The following AK5 variants were observed in gnomAD, a reference collection of about 807,000 sequenced individuals.
The protein encoded by AK5 is adenylate kinase isoenzyme 5.
In AK5, 27 loss-of-function variants were observed where a neutral mutation model predicts 69.5. The ratio of observed to expected loss-of-function variants is 0.39; its 90% CI spans 0.29 to 0.54. The LOEUF is 0.54. Ranked by LOEUF, AK5 falls within the 20% of genes least tolerant of loss-of-function variation. The probability of loss-of-function intolerance (pLI) is 0.71; values close to 1 mark genes in which losing one functional copy is unlikely to be tolerated. For missense variants in AK5, 531 were observed against 700.4 expected, an observed-to-expected ratio of 0.76 and a Z score of 2.73; for synonymous variants, 260 against 244.4, an observed-to-expected ratio of 1.06 and a Z score of -0.60.
intron 6 of AK5, among the ~76,000 whole-genome samples, chr1:77,376,719 T>A (rs889855672): frequency 1.3e-5 from 2 of 152,082 alleles, no homozygotes; most frequent in African/African-American, 2.4e-5. Context: ...GGTGAGAGGA[T>A]CACTTGAGTT....
chr1:77,458,819 A>G (rs1259973051), intron 8 of AK5, among the ~76,000 whole-genome samples: 1 of 152,196 alleles, frequency 6.6e-6, no homozygotes, highest in East Asian at 1.9e-4. Flanking sequence ...TAACATATTC[A>G]CAGCTTCTGG....
chr1:77,420,316 G>A (rs1203820407), intron 8 of AK5: 1 of 152,082 alleles, frequency 6.6e-6, no homozygotes, highest in Non-Finnish European at 1.5e-5. Flanking sequence ...AATATTAAAA[G>A]TGAAAATATA....
intron 12 of AK5, among the ~76,000 whole-genome samples, chr1:77,529,310 G>A (rs1658447075): frequency 6.6e-6 from 1 of 151,212 alleles, no homozygotes; most frequent in South Asian, 2.1e-4. Context: ...CTACTTAACA[G>A]GTGTTAGGAC....
chr1:77,345,806 A>C (rs1044980491), intron 6 of AK5, among the ~76,000 whole-genome samples: 1 of 152,286 alleles, frequency 6.6e-6, no homozygotes, highest in Admixed American at 6.5e-5. Context: ...TTTACCACTG[A>C]AACTATGCAC....
At chr1:77,380,998 T>A (rs1647591773) in intron 6 of AK5, among the ~76,000 whole-genome samples, 3 of 152,250 alleles carry the variant, frequency 2.0e-5, no homozygotes, top group South Asian at 4.1e-4. Context: ...ATACTGTTAA[T>A]GCTTTAAGCT....
At chr1:77,407,805 CCA>C (rs1205238176) in intron 6 of AK5, among the ~76,000 whole-genome samples, 2 of 151,984 alleles carry the variant, frequency 1.3e-5, no homozygotes, top group African/African-American at 4.8e-5. Context: ...CTAGTAGTCC[CCA>C]GAGTCTGTTG....
chr1:77,450,162 C>T (rs1653052882), intron 8 of AK5, among the ~76,000 whole-genome samples: 1 of 152,190 alleles, frequency 6.6e-6, no homozygotes, highest in African/African-American at 2.4e-5. Flanking sequence ...CCTCAGCCTG[C>T]ACCTTGTTGT....
In AK5 at chr1:77,358,018, T is replaced by TGTGTGTGTGTGTGAGAGA. The variant is rs762714026; in HGVS notation, c.891+17451_891+17452insTGTGTGTGTGTGAGAGAG. Among the ~76,000 whole-genome samples, 276 of 128,266 alleles carry TGTGTGTGTGTGTGAGAGA rather than the reference T, an allele frequency of 2.2e-3. 6 individuals carry two copies. The East Asian group carries it at 0.034, about 16-fold the overall frequency. The allele number at this position is 128,266 out of a possible 152,430, so 84.1% of individuals were successfully genotyped here. ...GTGTGTGTGTGTGTGTGTGTGTGTG[T>TGTGTGTGTGTGTGAGAGA]GAGAGAGAGAGAGAGAGAGAGACAG... On this transcript the variant is annotated intron_variant, in intron 6 of 13. Coordinates refer to ENST00000354567, the MANE Select transcript of AK5 (RefSeq NM_174858.3).
chr1:77,504,435 A>G (rs918684285), intron 10 of AK5, among the ~76,000 whole-genome samples: 9 of 72,972 alleles, frequency 1.2e-4, no homozygotes, highest in Non-Finnish European at 2.4e-4. Context: ...TTCTGTGTAT[A>G]TATATATTTT....
chr1:77,308,691 A>G (rs758700326), intron 5 of AK5, among the ~76,000 whole-genome samples: 2 of 152,152 alleles, frequency 1.3e-5, no homozygotes, highest in African/African-American at 2.4e-5. Context: ...GGATTTCCAT[A>G]GGGAGGTTTT....
At chr1:77,439,369 G>T (rs1381717054) in intron 8 of AK5, among the ~76,000 whole-genome samples, 1 of 152,062 alleles carries the variant, frequency 6.6e-6, no homozygotes, top group Admixed American at 6.5e-5. Flanking sequence ...AGGTAATTAG[G>T]ATATCTATCA....
intron 6 of AK5, among the ~76,000 whole-genome samples, chr1:77,369,929 T>C (rs1647088899): frequency 6.6e-6 from 1 of 152,234 alleles, no homozygotes; most frequent in Admixed American, 6.5e-5. Flanking sequence ...CCGCTGCCAA[T>C]AAATGGCATT....
chr1:77,432,005 C>T (rs1651670037), intron 8 of AK5, among the ~76,000 whole-genome samples: 1 of 152,114 alleles, frequency 6.6e-6, no homozygotes. Flanking sequence ...GTAGTTTTTG[C>T]AGAATTTTTT....
chr1:77,546,583 G>A (rs766098063), intron 13 of AK5, among the ~76,000 whole-genome samples: 17 of 152,088 alleles, frequency 1.1e-4, no homozygotes, highest in South Asian at 2.1e-4. Context: ...GGTGGTGTGC[G>A]TCTGTAATCC....
intron 10 of AK5, among the ~76,000 whole-genome samples, chr1:77,514,534 T>A (rs181871863): frequency 3.1e-4 from 47 of 152,342 alleles, no homozygotes; most frequent in Admixed American, 7.2e-4. Context: ...AGTGATAAAA[T>A]CACTTTGTTT....
intron 6 of AK5, among the ~76,000 whole-genome samples, chr1:77,399,910 C>G (rs1305467914): frequency 6.6e-6 from 1 of 152,196 alleles, no homozygotes. Context: ...CTTTAAGCTA[C>G]CAACCCACAC....
chr1:77,428,468 A>C (rs1396880051), intron 8 of AK5, among the ~76,000 whole-genome samples: 2 of 152,126 alleles, frequency 1.3e-5, no homozygotes, highest in Non-Finnish European at 2.9e-5. Context: ...AAAACCAAAA[A>C]CACTGATGAA....
chr1:77,330,966 T>G (rs1222578161), intron 5 of AK5, among the ~76,000 whole-genome samples: 1 of 152,162 alleles, frequency 6.6e-6, no homozygotes, highest in African/African-American at 2.4e-5. Flanking sequence ...ATTTAATATT[T>G]TTATTTCCAT....
At chr1:77,391,481 GTA>G (rs1648454032) in intron 6 of AK5, among the ~76,000 whole-genome samples, 2 of 34,756 alleles carry the variant, frequency 5.8e-5, no homozygotes, top group African/African-American at 2.3e-4. Flanking sequence ...ATGTGTGTGT[GTA>G]TGTGTGTGTG....
Sources: gnomAD v4.1 joint callset for allele counts (sites outside exome capture counted in the v4.1 genomes callset) on GRCh38, gnomAD v4.1.1 for gene constraint, MANE v1.5 for transcripts, NCBI Gene and HGNC (gene_info 2026-07-23, HGNC 2026-07-21) for gene names.